The following ARHGAP19 variants were observed in gnomAD, a reference collection of about 807,000 sequenced individuals.
The protein encoded by ARHGAP19 is rho GTPase-activating protein 19.
In ARHGAP19, 48 loss-of-function variants were observed where a neutral mutation model predicts 60.9. The observed-to-expected ratio is 0.79, with a 90% CI of 0.62 to 1.00. ARHGAP19 has a LOEUF of 1.00. Among genes scored for constraint, ARHGAP19 ranks in the 50% least tolerant of loss-of-function variants. ARHGAP19 has a pLI of 0.00. For synonymous variants in ARHGAP19, 209 were observed against 215.5 expected (o/e 0.97, Z 0.27); for missense variants, 562 against 597.2 (o/e 0.94, Z 0.61).
intron 1 of ARHGAP19, among the ~76,000 whole-genome samples, chr10:97,289,344 G>A (rs1001833600): frequency 1.3e-5 from 2 of 151,856 alleles, no homozygotes; most frequent in Admixed American, 6.6e-5. Flanking sequence ...TGGAACTCCT[G>A]AGCTCAGGTG....
chr10:97,247,956 G>T (rs1385793827), intron 6 of ARHGAP19, among the ~76,000 whole-genome samples: 1 of 140,678 alleles, frequency 7.1e-6, no homozygotes, highest in African/African-American at 2.5e-5. Flanking sequence ...ATCTTTTAAT[G>T]TGGTTTTGAC....
chr10:97,259,583 T>A lies in ARHGAP19; in HGVS notation c.659A>T (p.Asp220Val), dbSNP rs1842801172. 1 of 1,614,164 alleles carries A rather than the reference T, an allele frequency of 6.2e-7. No individual in the cohort carries two copies. ...GAGAGCCTCAATTTGCCGGTCCTTG[T>A]CTGGTATATTGGTCTTGTTTCCTTT... ...DDKGNKTNIP[D>V]KDRQIEALQL... Residue 220 changes from aspartate (D) to valine (V), a missense_variant, in exon 5 of 12, where the codon GAC becomes GTC. Coordinates refer to ENST00000358531, the MANE Select transcript of ARHGAP19 (RefSeq NM_032900.6).
At chr10:97,282,963 C>T (rs1231170581) in intron 1 of ARHGAP19, among the ~76,000 whole-genome samples, 1 of 150,948 alleles carries the variant, frequency 6.6e-6, no homozygotes, top group East Asian at 2.0e-4. Context: ...CTGCCCCAGC[C>T]TCCCAAGTAG....
intron 9 of ARHGAP19, 62 bp downstream of exon 9, chr10:97,235,155 A>G: frequency 1.0e-5 from 15 of 1,486,294 alleles, no homozygotes; most frequent in Non-Finnish European, 1.3e-5. Context: ...TATGCATAAG[A>G]AAAATCACAT....
intron 1 of ARHGAP19, among the ~76,000 whole-genome samples, chr10:97,268,070 T>G (rs1174937046): frequency 6.6e-6 from 1 of 152,182 alleles, no homozygotes; most frequent in African/African-American, 2.4e-5. Flanking sequence ...TTTCAAACTT[T>G]TATGCTCTGC....
intron 8 of ARHGAP19, among the ~76,000 whole-genome samples, chr10:97,238,233 T>C (rs1349251443): frequency 6.6e-6 from 1 of 152,096 alleles, no homozygotes; most frequent in Non-Finnish European, 1.5e-5. Flanking sequence ...AGAGACGGGG[T>C]CTCGCTCTGT....
At chr10:97,265,774 C>G in intron 2 of ARHGAP19, 86 bp downstream of exon 2, 1 of 1,518,038 alleles carries the variant, frequency 6.6e-7, no homozygotes, top group Admixed American at 2.2e-5. Flanking sequence ...AAGTTAATAG[C>G]AACTCTTCGG....
intron 1 of ARHGAP19, among the ~76,000 whole-genome samples, chr10:97,279,468 G>T (rs1843056473): frequency 7.4e-6 from 1 of 135,206 alleles, no homozygotes; most frequent in East Asian, 2.1e-4. Context: ...TTTCTTTCTT[G>T]CTTGCTTTTG....
chr10:97,280,310 G>A (rs894399213), intron 1 of ARHGAP19, among the ~76,000 whole-genome samples: 2 of 152,078 alleles, frequency 1.3e-5, no homozygotes, highest in African/African-American at 4.8e-5. Context: ...AAGGGAGGCT[G>A]AGGAAGGAGA....
At chr10:97,272,125 A>C (rs1322817642) in intron 1 of ARHGAP19, among the ~76,000 whole-genome samples, 1 of 124,672 alleles carries the variant, frequency 8.0e-6, no homozygotes, top group African/African-American at 3.0e-5. Context: ...TAGGTGGGAA[A>C]TATGTCTTTT....
At chr10:97,265,390 G>A in intron 2 of ARHGAP19, 1 of 175,882 alleles carries the variant, frequency 5.7e-6, no homozygotes, top group Non-Finnish European at 1.2e-5. Flanking sequence ...GTCCCAGCTA[G>A]TGGGAGGCTG....
chr10:97,282,605 C>A (rs1843099653), intron 1 of ARHGAP19, among the ~76,000 whole-genome samples: 1 of 152,178 alleles, frequency 6.6e-6, no homozygotes, highest in East Asian at 1.9e-4. Flanking sequence ...CCCTTCAGAG[C>A]AATGGCTGCC....
Position 97,229,237 on chromosome 10 carries a change from A to G in ARHGAP19, c.1396-12T>C. ...GAGCCAGAAAATAACTGTAATAAGA[A>G]AATTGTACAGTGGTTTCAATGTTCT... is the stretch of plus-strand genomic sequence containing the variant. On this transcript the variant is annotated splice_polypyrimidine_tract_variant and intron_variant, in intron 10 of 11. Transcript: ENST00000358531. 1 of 1,604,718 alleles carries G rather than the reference A, an allele frequency of 6.2e-7. No individual in the cohort carries two copies. The highest frequency in any genetic ancestry group is 8.5e-7 in the Non-Finnish European group (1 of 1,171,320).
At chr10:97,236,767 T>C (rs1285063270) in intron 8 of ARHGAP19, among the ~76,000 whole-genome samples, 2 of 143,314 alleles carry the variant, frequency 1.4e-5, no homozygotes, top group African/African-American at 5.3e-5. Context: ...TGAGCCATGA[T>C]TGTGCCACTG....
At chr10:97,243,882 T>G (rs751028185) in intron 8 of ARHGAP19, 86 bp downstream of exon 8, 592 of 1,302,714 alleles carry the variant, frequency 4.5e-4, no homozygotes, top group Non-Finnish European at 5.6e-4. Context: ...AAAAATTAAA[T>G]GAGATTCTTA....
In ARHGAP19 at chr10:97,229,789, C is replaced by G. The variant is rs1410912489; in HGVS notation, c.1370G>C (p.Gly457Ala). The G allele has an allele frequency of 1.2e-6, 2 of 1,609,438 alleles. No individual in the cohort carries two copies. The highest frequency in any genetic ancestry group is 8.5e-7 in the Non-Finnish European group (1 of 1,176,504). Residue 457 changes from glycine (G) to alanine (A), a missense_variant, in exon 10 of 12, where the codon GGA becomes GCA. Coordinates refer to ENST00000358531, the MANE Select transcript of ARHGAP19 (RefSeq NM_032900.6). The stretch of plus-strand genomic sequence containing the variant: ...TAAGTTCCTATTTTCTTTGCTGGTT[C>G]CCTTCAATTCACCAATGGCCACAGA... ...PESVAIGELK[G>A]TSKENRNLLF...
intron 7 of ARHGAP19, among the ~76,000 whole-genome samples, chr10:97,244,794 C>T (rs755667758): frequency 1.3e-5 from 2 of 151,594 alleles, no homozygotes; most frequent in African/African-American, 2.4e-5. Flanking sequence ...ATTGCACAAG[C>T]GGACAGCTTA....
rs186934728 is a variant in ARHGAP19 at position 97,291,509 on chromosome 10, G to C, written c.56+1063C>G. On this transcript the variant is annotated intron_variant, in intron 1 of 11. Coordinates refer to ENST00000358531, the MANE Select transcript of ARHGAP19 (RefSeq NM_032900.6). ...GGCTTTCATCATGTTCGCCAGGCTG[G>C]TCTCGAACTCCTGATCTCAGGTGAT... 1.3e-4 allele frequency among the ~76,000 whole-genome samples: 20 copies of C among 152,210 alleles called. No individual in the cohort carries two copies. In the East Asian group the frequency reaches 3.5e-3, roughly 26 times the overall value.
chr10:97,262,376 A>C (rs1369482531), intron 4 of ARHGAP19, among the ~76,000 whole-genome samples: 1 of 152,000 alleles, frequency 6.6e-6, no homozygotes, highest in Admixed American at 6.6e-5. Context: ...AAAAAAAATA[A>C]ATTTCCTTGG....
Sources: allele counts gnomAD v4.1 joint callset (sites outside exome capture counted in the v4.1 genomes callset), GRCh38; gene constraint gnomAD v4.1.1; transcripts MANE v1.5; gene names NCBI Gene and HGNC (gene_info 2026-07-23, HGNC 2026-07-21).